Variants in PHF19 observed in about 807,000 individuals in gnomAD.
PHF19 encodes the protein PHD finger protein 19, also known as polycomb like 3.
Under a neutral mutation model 79.8 loss-of-function variants are expected in PHF19, and 21 were observed. That is an observed-to-expected ratio of 0.26 (90% CI 0.19 to 0.38). The LOEUF is 0.38. PHF19 is among the 10% of genes least tolerant of loss of function. The probability of loss-of-function intolerance (pLI) is 1.00; values close to 1 mark genes in which losing one functional copy is unlikely to be tolerated. For missense variants in PHF19, 445 were observed against 744.2 expected (o/e 0.60, Z 4.68); for synonymous variants, 273 against 296.3 (o/e 0.92, Z 0.81).
At chr9:120,879,416 C>T (rs1251679798), upstream of PHF19, among the ~76,000 whole-genome samples, 1 of 152,148 alleles carries the variant, frequency 6.6e-6, no homozygotes, top group Non-Finnish European at 1.5e-5. Context: ...ATTGAATTGT[C>T]CTGGCTTCAA....
Position 120,861,161 on chromosome 9 carries a change from G to A in PHF19, c.1232C>T (p.Ser411Leu). Reference sequence around the variant, plus strand: ...CAGGTGGTGGTTGGTGCTCCAGGCTGAGGTGAAGTCACTCTGTGGACACAG... The same window carrying A: ...CAGGTGGTGGTTGGTGCTCCAGGCTAAGGTGAAGTCACTCTGTGGACACAG... ...EDAIPSSDFT[S>L]AWSTNHHLAS... The change falls in exon 13 of 15, where the codon TCA (serine) becomes TTA (leucine). Residue 411 changes from serine to leucine, a missense_variant. Around this residue, in one of 5 missense-constraint regions of PHF19, gnomAD observed 125 missense variants for 180.5 expected, o/e 0.69. Coordinates refer to ENST00000373896, the MANE Select transcript of PHF19 (RefSeq NM_015651.3). The A allele has an allele frequency of 6.3e-7, 1 of 1,598,664 alleles. No individual in the cohort carries two copies. Among genetic ancestry groups the A allele is most frequent in the Non-Finnish European group, 8.6e-7 (1 of 1,165,912 alleles).
At chr9:120,882,647 G>A (rs1429358544) in intron 1 of PHF19, among the ~76,000 whole-genome samples, 3 of 152,048 alleles carry the variant, frequency 2.0e-5, no homozygotes, top group Non-Finnish European at 4.4e-5. Context: ...TTCAAGACCA[G>A]CCTGGCCAAC....
In PHF19 at chr9:120,864,128, C is replaced by G. The variant is rs762438880; in HGVS notation, c.901-12G>C. The G allele has an allele frequency of 6.2e-7, 1 of 1,612,606 alleles. No homozygotes were observed. On this transcript the variant is annotated splice_polypyrimidine_tract_variant and intron_variant, in intron 9 of 14. Coordinates refer to ENST00000373896, the MANE Select transcript of PHF19 (RefSeq NM_015651.3). The stretch of plus-strand genomic sequence containing the variant: ...GGGGTGCTGGTGAGCTGTGGGAGAG[C>G]AGGCCAGCAGGACATCAGACCCAGG...
chr9:120,890,817 C>T (rs2046332600), intron 1 of PHF19, among the ~76,000 whole-genome samples: 2 of 152,154 alleles, frequency 1.3e-5, no homozygotes, highest in Admixed American at 6.5e-5. Context: ...TTCATCCACA[C>T]GACTCCTTGC....
chr9:120,882,770 A>G (rs1410392019), intron 1 of PHF19, among the ~76,000 whole-genome samples: 1 of 147,708 alleles, frequency 6.8e-6, no homozygotes, highest in African/African-American at 2.5e-5. Flanking sequence ...TGAGCCCAGA[A>G]GGCGTAGGTT....
Position 120,858,164 on chromosome 9 carries a change from G to A in PHF19, c.1523C>T (p.Ser508Leu). The A allele has an allele frequency of 2.5e-6, 4 of 1,612,938 alleles. No homozygotes were observed. Among genetic ancestry groups the A allele is most frequent in the Admixed American group, 1.7e-5 (1 of 59,964 alleles). The change falls in exon 15 of 15, where the codon TCA becomes TTA. Residue 508 changes from serine to leucine, a missense_variant. Ser to Leu is a moderately radical substitution (Grantham distance 145). Transcript: ENST00000373896. ...CPSDSSAEGA[S>L]VPERPDEGID... ...GCCTTCGTCTGGCCGCTCGGGGACT[G>A]AAGCCCCCTCTGCACTGCTGTCCGA... is the stretch of plus-strand genomic sequence containing the variant.
intron 12 of PHF19, among the ~76,000 whole-genome samples, chr9:120,861,711 GC>G (rs1486794611): frequency 6.6e-6 from 1 of 152,054 alleles, no homozygotes; most frequent in East Asian, 1.9e-4. Context: ...ACCTGCCTTT[GC>G]CCCCCAACTT....
At chr9:120,881,427 G>A (rs575068109), upstream of PHF19, among the ~76,000 whole-genome samples, 1 of 152,170 alleles carries the variant, frequency 6.6e-6, no homozygotes, top group African/African-American at 2.4e-5. Flanking sequence ...GATTACAGGC[G>A]TGAGTCACCG....
At chr9:120,898,353 G>A (rs2046418236), upstream of PHF19, among the ~76,000 whole-genome samples, 1 of 152,230 alleles carries the variant, frequency 6.6e-6, no homozygotes, top group African/African-American at 2.4e-5. Context: ...CTGACCTCAG[G>A]CGATCCTCCT....
intron 1 of PHF19, among the ~76,000 whole-genome samples, chr9:120,884,754 C>CAAAAAAAAA (rs57387656): frequency 7.9e-6 from 1 of 127,016 alleles, no homozygotes; most frequent in Non-Finnish European, 1.7e-5. Flanking sequence ...CCAAAAAATA[C>CAAAAAAAAA]AAAAAAAAAA....
In PHF19 at chr9:120,877,129, G is replaced by A; in HGVS notation, c.-54C>T. The A allele has an allele frequency of 1.0e-6, 1 of 984,822 alleles. No individual in the cohort carries two copies. Among genetic ancestry groups the A allele is most frequent in the Non-Finnish European group, 1.2e-6 (1 of 829,768 alleles). The allele number at this position is 984,822 out of a possible 1,614,324, so 61.0% of individuals were successfully genotyped here. On this transcript the variant is annotated 5_prime_UTR_variant, in exon 1 of 15. Coordinates refer to ENST00000373896, the MANE Select transcript of PHF19 (RefSeq NM_015651.3). ...GTCCGCCGGTCCCACTTGGAGTCTG[G>A]CCACCAGGCGCATCGGTGGCGGAGG...
At chr9:120,897,144 C>G (rs575268099), upstream of PHF19, among the ~76,000 whole-genome samples, 1 of 152,382 alleles carries the variant, frequency 6.6e-6, no homozygotes, top group African/African-American at 2.4e-5. Context: ...AGCTTGCTCA[C>G]AGGCTCTCAG....
intron 6 of PHF19, among the ~76,000 whole-genome samples, chr9:120,867,611 C>G (rs889219235): frequency 1.3e-5 from 2 of 152,240 alleles, no homozygotes; most frequent in Admixed American, 6.5e-5. Flanking sequence ...TTTTAACAAG[C>G]ATCCTGTGCA....
intron 10 of PHF19, among the ~76,000 whole-genome samples, chr9:120,863,771 A>AGG (rs2045610018): frequency 1.3e-5 from 2 of 152,164 alleles, no homozygotes; most frequent in African/African-American, 4.8e-5. Context: ...CTGGCCCCCA[A>AGG]GGCCTAGATG....
intron 9 of PHF19, among the ~76,000 whole-genome samples, chr9:120,864,939 C>T (rs989305551): frequency 1.3e-5 from 2 of 150,462 alleles, no homozygotes; most frequent in African/African-American, 4.9e-5. Context: ...TTTTCCACCA[C>T]GAATATGTAC....
chr9:120,869,513 G>T lies in PHF19; in HGVS notation c.466-183C>A. On this transcript the variant is annotated intron_variant, in intron 5 of 14. Transcript: ENST00000373896. The surrounding 1 kb of genome is among the most constrained non-coding windows in gnomAD (Gnocchi z 5.8). ...AAACCCATCCCCTCTATCCCAGAAG[G>T]AACTCCGTTGATAACAGAATTAAGA... 7.3e-7 allele frequency: 1 copy of T among 1,369,646 alleles called. No homozygotes were observed. The highest frequency in any genetic ancestry group is 9.7e-7 in the Non-Finnish European group (1 of 1,035,806). 84.8% of individuals were successfully genotyped at this position (1,369,646 alleles called of 1,614,324 possible). A position where few individuals can be genotyped will look rare whatever the true frequency, so the allele number is the denominator to read the frequency against.
At chr9:120,887,447 C>CTT (rs1476587499) in intron 1 of PHF19, among the ~76,000 whole-genome samples, 1 of 152,074 alleles carries the variant, frequency 6.6e-6, no homozygotes, top group Non-Finnish European at 1.5e-5. Flanking sequence ...GAGTGAAACT[C>CTT]CATCTCAAAA....
upstream of PHF19, among the ~76,000 whole-genome samples, chr9:120,896,182 C>T (rs55653034): frequency 0.06 from 9,067 of 152,140 alleles, 794 homozygotes; most frequent in African/African-American, 0.19. Flanking sequence ...AACAAGTTAG[C>T]ATGGTACTTG....
intron 14 of PHF19, among the ~76,000 whole-genome samples, chr9:120,858,831 A>ACACACACT (rs1564489755): frequency 1.3e-5 from 2 of 151,336 alleles, no homozygotes; most frequent in Non-Finnish European, 3.0e-5. Flanking sequence ...ACACACACAC[A>ACACACACT]CACACACACA....
Sources: gnomAD v4.1 joint callset for allele counts (sites outside exome capture counted in the v4.1 genomes callset) on GRCh38, gnomAD v4.1.1 for gene constraint, gnomAD v4.1.1 regional missense constraint, Gnocchi (gnomAD v3.1) non-coding constraint, MANE v1.5 for transcripts, NCBI Gene and HGNC (gene_info 2026-07-23, HGNC 2026-07-21) for gene names.